Variants in DSCAML1 observed in about 807,000 individuals in gnomAD.
DSCAML1 encodes the protein DS cell adhesion molecule like 1, also known as cell adhesion molecule DSCAML1.
DSCAML1 carries 38 observed loss-of-function variants against 200.5 expected under a neutral mutation model. That is an observed-to-expected ratio of 0.19 (90% CI 0.15 to 0.25). The LOEUF (loss-of-function observed/expected upper bound fraction) is 0.25, where lower values mean the gene tolerates loss of function less well. DSCAML1 is among the 10% of genes least tolerant of loss of function. The pLI is 1.00. For missense variants in DSCAML1, 2,223 were observed against 2,858.8 expected (o/e 0.78, Z 5.07); for synonymous variants, 1,215 against 1,165.0 (o/e 1.04, Z -0.87).
At chr11:117,809,610 C>T (rs1277328286) in intron 1 of DSCAML1, among the ~76,000 whole-genome samples, 5 of 152,212 alleles carry the variant, frequency 3.3e-5, no homozygotes, top group African/African-American at 7.2e-5. Context: ...GCAGTGAAGC[C>T]GGAGGCTGGG....
intron 3 of DSCAML1, among the ~76,000 whole-genome samples, chr11:117,748,750 G>T (rs2054556664): frequency 6.6e-6 from 1 of 152,188 alleles, no homozygotes; most frequent in Admixed American, 6.5e-5. Flanking sequence ...ACTGACCCCT[G>T]CTCAGGGAGA....
intron 14 of DSCAML1, among the ~76,000 whole-genome samples, chr11:117,478,902 C>G (rs664657): frequency 6.6e-6 from 1 of 152,176 alleles, no homozygotes; most frequent in Non-Finnish European, 1.5e-5. Flanking sequence ...TGTAGCCCTC[C>G]TGCACTCAGA....
intron 8 of DSCAML1, among the ~76,000 whole-genome samples, chr11:117,512,801 A>G (rs868683115): frequency 1.9e-5 from 2 of 106,698 alleles, no homozygotes; most frequent in African/African-American, 3.3e-5. Context: ...ACACACACAC[A>G]CCCCTCCCCT....
At chr11:117,473,417 A>C (rs1391971247) in intron 14 of DSCAML1, among the ~76,000 whole-genome samples, 1 of 152,164 alleles carries the variant, frequency 6.6e-6, no homozygotes, top group Non-Finnish European at 1.5e-5. Flanking sequence ...GAATTGCTTG[A>C]ACCCGGGAGG....
chr11:117,657,150 T>C (rs2052752686), intron 3 of DSCAML1, among the ~76,000 whole-genome samples: 1 of 152,178 alleles, frequency 6.6e-6, no homozygotes. Context: ...ACCTCTGCCC[T>C]GTCCATCAAC....
intron 15 of DSCAML1, 83 bp downstream of exon 15, chr11:117,471,786 T>A: frequency 6.7e-7 from 1 of 1,490,422 alleles, no homozygotes; most frequent in Non-Finnish European, 9.1e-7. Context: ...GCAAGCTCAT[T>A]GCCAGTGAAC....
chr11:117,730,575 T>G (rs997427469), intron 3 of DSCAML1, among the ~76,000 whole-genome samples: 2 of 152,150 alleles, frequency 1.3e-5, no homozygotes, highest in Non-Finnish European at 2.9e-5. Context: ...GGAGAGGATG[T>G]GACGAAACTG....
rs1214056517 is a variant in DSCAML1, at chr11:117,505,942, C to A, written c.1784-210G>T. Among the ~76,000 whole-genome samples the A allele has an allele frequency of 6.6e-6, 1 of 152,224 alleles. No individual in the cohort carries two copies. The highest frequency in any genetic ancestry group is 1.5e-5 in the Non-Finnish European group (1 of 68,036). On this transcript the variant is annotated intron_variant, in intron 8 of 32. Transcript: ENST00000651296. The surrounding 1 kb of genome is among the most constrained non-coding windows in gnomAD (Gnocchi z 6.7). ...CCGCCCAGGCTGGGACCCACTGTCTCTGTTCAGGGCCTTGACTGGCCTGGA... is the reference window on the plus strand; with the variant it reads ...CCGCCCAGGCTGGGACCCACTGTCTATGTTCAGGGCCTTGACTGGCCTGGA...
intron 3 of DSCAML1, among the ~76,000 whole-genome samples, chr11:117,669,432 C>G (rs1391856276): frequency 6.6e-6 from 1 of 152,228 alleles, no homozygotes; most frequent in Non-Finnish European, 1.5e-5. Flanking sequence ...GAGATGGCAA[C>G]TCTTCTCCAG....
Position 117,437,084 on chromosome 11 carries a change from C to T in DSCAML1, c.4720+38G>A. Reference sequence around the variant, plus strand: ...CCCACTTCCTTCGCACCACCCTGCTCCAGCCTCTGTACCATCCCTTCCACC... The same window carrying T: ...CCCACTTCCTTCGCACCACCCTGCTTCAGCCTCTGTACCATCCCTTCCACC... On this transcript the variant is annotated intron_variant, in intron 26 of 32. Transcript: ENST00000651296. The surrounding 1 kb of genome is among the most constrained non-coding windows in gnomAD (Gnocchi z 5.3). 1 of 1,587,376 alleles carries T rather than the reference C, an allele frequency of 6.3e-7. No individual in the cohort carries two copies. The highest frequency in any genetic ancestry group is 8.6e-7 in the Non-Finnish European group (1 of 1,164,626).
chr11:117,485,515 C>T lies in DSCAML1; in HGVS notation c.2360-3353G>A, dbSNP rs372896264. On this transcript the variant is annotated intron_variant, in intron 11 of 32. Coordinates refer to ENST00000651296, the MANE Select transcript of DSCAML1 (RefSeq NM_020693.4). ...AGCCTGGGATCTGCTTCTGTGGCTG[C>T]GAGCTATGTGGCCTTCCACCCCTTA... Among the ~76,000 whole-genome samples, 33 of 152,306 alleles carry T rather than the reference C, an allele frequency of 2.2e-4. No individual in the cohort carries two copies. In the South Asian group the frequency reaches 4.8e-3, roughly 22 times the overall value.
intron 11 of DSCAML1, among the ~76,000 whole-genome samples, chr11:117,486,309 T>TGAAAATGGC (rs1565731048): frequency 5.5e-4 from 71 of 130,046 alleles, no homozygotes; most frequent in Middle Eastern, 4.0e-3. Context: ...GTGAAAGTAG[T>TGAAAATGGC]GGATGTGAAA....
Position 117,711,334 on chromosome 11 carries a change from T to A in DSCAML1, c.511+65457A>T, listed in dbSNP as rs72645463. On this transcript the variant is annotated intron_variant, in intron 3 of 32. Coordinates refer to ENST00000651296, the MANE Select transcript of DSCAML1 (RefSeq NM_020693.4). The stretch of plus-strand genomic sequence containing the variant: ...AAATGTGCTGACTGTGAGAACTCCC[T>A]GCTGCTCCCGTTTTACAGAAGAGAA... Among the ~76,000 whole-genome samples, 223 of 152,296 alleles carry A rather than the reference T, an allele frequency of 1.5e-3. 5 individuals carry two copies. The East Asian group carries it at 0.04, about 27-fold the overall frequency.
At chr11:117,652,396 C>T (rs184997633) in intron 3 of DSCAML1, among the ~76,000 whole-genome samples, 23 of 152,314 alleles carry the variant, frequency 1.5e-4, no homozygotes, top group African/African-American at 5.3e-4. Flanking sequence ...GACTAGAGGG[C>T]GGCGTAGCCC....
upstream of DSCAML1, among the ~76,000 whole-genome samples, chr11:117,799,993 TC>T (rs375615298): frequency 3.9e-5 from 6 of 152,166 alleles, no homozygotes; most frequent in African/African-American, 1.2e-4. Context: ...GAGCTGGGAA[TC>T]CAGGAAAGGG....
At chr11:117,618,293 T>C (rs896107825) in intron 3 of DSCAML1, among the ~76,000 whole-genome samples, 2 of 152,222 alleles carry the variant, frequency 1.3e-5, no homozygotes, top group African/African-American at 2.4e-5. Context: ...CTCGCTACCA[T>C]CTAAAGGCAT....
Position 117,767,137 on chromosome 11 carries a change from G to A in DSCAML1, c.511+9654C>T, listed in dbSNP as rs117461065. ...TAAACCGGAGAGCACCATACAAACC[G>A]AAGGTGATGCCGGCCGCAGGGCACA... On this transcript the variant is annotated intron_variant, in intron 3 of 32. Transcript: ENST00000651296. Among the ~76,000 whole-genome samples, 1,468 of 152,210 alleles carry A rather than the reference G, an allele frequency of 9.6e-3. 2 individuals are homozygous for A. The highest frequency in any genetic ancestry group is 0.015 in the Non-Finnish European group (1,000 of 68,024).
intron 3 of DSCAML1, among the ~76,000 whole-genome samples, chr11:117,680,890 G>C (rs1167363505): frequency 6.6e-6 from 1 of 152,204 alleles, no homozygotes; most frequent in East Asian, 1.9e-4. Flanking sequence ...CCCAGGGGAA[G>C]AAGATCTGGC....
At chr11:117,468,065 C>T (rs2137169582) in intron 16 of DSCAML1, among the ~76,000 whole-genome samples, 1 of 152,182 alleles carries the variant, frequency 6.6e-6, no homozygotes, top group East Asian at 1.9e-4. Context: ...TTCACAGATC[C>T]TTCCTGCCTC....
Sources: allele counts gnomAD v4.1 joint callset (sites outside exome capture counted in the v4.1 genomes callset), GRCh38; gene constraint gnomAD v4.1.1; non-coding constraint Gnocchi (gnomAD v3.1); transcripts MANE v1.5; gene names NCBI Gene and HGNC (gene_info 2026-07-23, HGNC 2026-07-21).